The following LRRC37A2 variants were observed in gnomAD, a reference collection of about 807,000 sequenced individuals.
LRRC37A2 encodes the protein leucine-rich repeat-containing protein 37A2.
A neutral mutation model predicts 68.8 loss-of-function variants in LRRC37A2; 9 were observed. The observed-to-expected ratio is 0.13, with a 90% CI of 0.08 to 0.23. The LOEUF is 0.23. Among genes scored for constraint, LRRC37A2 ranks in the 10% least tolerant of loss-of-function variants. The pLI, the probability that LRRC37A2 is intolerant of heterozygous loss-of-function variation, is 1.00. For synonymous variants in LRRC37A2, 63 were observed against 367.6 expected, an observed-to-expected ratio of 0.17 and a Z score of 9.48; for missense variants, 168 against 950.4, an observed-to-expected ratio of 0.18 and a Z score of 10.82.
At chr17:46,826,638 T>A in the LRRC37A2 span, among the ~76,000 whole-genome samples, 1 of 152,168 alleles carries the variant, frequency 6.6e-6, no homozygotes, top group East Asian at 1.9e-4. Flanking sequence ...CTTCATCAAC[T>A]GCAAAATGGG....
chr17:46,932,069 G>A, the LRRC37A2 span: 15 of 1,613,488 alleles, frequency 9.3e-6, 1 homozygote, highest in Middle Eastern at 3.3e-4. Flanking sequence ...AATTCCAGTC[G>A]GGTTGACCAG....
chr17:46,845,394 C>T, the LRRC37A2 span, among the ~76,000 whole-genome samples: 3 of 151,864 alleles, frequency 2.0e-5, no homozygotes, highest in South Asian at 2.1e-4. Context: ...GTTATATTCA[C>T]GGTGAGCCCA....
At chr17:46,853,395 G>T in the LRRC37A2 span, among the ~76,000 whole-genome samples, 2 of 109,624 alleles carry the variant, frequency 1.8e-5, no homozygotes, top group African/African-American at 3.8e-5. Context: ...TTTTTAAGAC[G>T]GAGTCTCCCT....
At chr17:46,929,555 TGGAGACGGCAGACAAGCA>T in the LRRC37A2 span, 1 of 1,569,154 alleles carries the variant, frequency 6.4e-7, no homozygotes, top group Non-Finnish European at 8.8e-7. Flanking sequence ...ATGGGACGCC[TGGAGACGGCAGACAAGCA>T]GTCTGTGCAC....
At chr17:46,542,875 A>G (rs1476896150) in intron 8 of LRRC37A2, among the ~76,000 whole-genome samples, 1 of 150,312 alleles carries the variant, frequency 6.7e-6, no homozygotes, top group Non-Finnish European at 1.5e-5. Context: ...TTGCAAGATT[A>G]GCATGGAAAG....
chr17:46,951,821 C>T, the LRRC37A2 span, among the ~76,000 whole-genome samples: 2 of 152,202 alleles, frequency 1.3e-5, no homozygotes, highest in Non-Finnish European at 2.9e-5. Flanking sequence ...TCTCTTCCCC[C>T]ACTCTGCCCG....
chr17:46,575,290 AAC>A, the LRRC37A2 span, among the ~76,000 whole-genome samples: 2 of 147,654 alleles, frequency 1.4e-5, no homozygotes, highest in African/African-American at 5.0e-5. Flanking sequence ...AAGCCGGTAA[AAC>A]ACAGTGCTGG....
the LRRC37A2 span, among the ~76,000 whole-genome samples, chr17:46,599,371 AT>A: frequency 1.9e-4 from 11 of 57,560 alleles, no homozygotes; most frequent in African/African-American, 3.6e-4. Context: ...TTTCCAACTT[AT>A]TTTTTTTTAT....
the LRRC37A2 span, among the ~76,000 whole-genome samples, chr17:46,500,753 A>G: frequency 6.6e-6 from 1 of 151,200 alleles, no homozygotes; most frequent in African/African-American, 2.5e-5. Context: ...GTTTGAAGAT[A>G]ACTTCTGGAA....
chr17:46,986,371 G>A, the LRRC37A2 span, among the ~76,000 whole-genome samples: 2 of 152,138 alleles, frequency 1.3e-5, no homozygotes, highest in African/African-American at 4.8e-5. Context: ...CGCAGTGCCT[G>A]GCACAGAGTA....
At chr17:46,948,165 C>T in the LRRC37A2 span, among the ~76,000 whole-genome samples, 2 of 152,214 alleles carry the variant, frequency 1.3e-5, no homozygotes, top group Non-Finnish European at 2.9e-5. Flanking sequence ...GCTGTGGAAC[C>T]TTGAGCAAGC....
chr17:46,773,227 C>A, the LRRC37A2 span, among the ~76,000 whole-genome samples: 4 of 152,124 alleles, frequency 2.6e-5, no homozygotes, highest in Non-Finnish European at 2.9e-5. Flanking sequence ...CCTAGAGGGG[C>A]TCTTGGGGGC....
chr17:46,825,963 C>T, the LRRC37A2 span, among the ~76,000 whole-genome samples: 2 of 152,236 alleles, frequency 1.3e-5, no homozygotes, highest in Non-Finnish European at 1.5e-5. Context: ...GCGGAGGTTG[C>T]GGTGAGCCAA....
the LRRC37A2 span, among the ~76,000 whole-genome samples, chr17:46,827,789 T>C: frequency 2.0e-5 from 3 of 151,944 alleles, no homozygotes; most frequent in Non-Finnish European, 2.9e-5. Context: ...TTCTTTTCTC[T>C]TTTTTTGAGA....
chr17:46,762,235 A>G, the LRRC37A2 span, among the ~76,000 whole-genome samples: 1 of 152,238 alleles, frequency 6.6e-6, no homozygotes, highest in African/African-American at 2.4e-5. Flanking sequence ...AAAATACTTG[A>G]GTCTGTGAAA....
At chr17:46,788,952 A>G in the LRRC37A2 span, among the ~76,000 whole-genome samples, 1 of 152,144 alleles carries the variant, frequency 6.6e-6, no homozygotes, top group Non-Finnish European at 1.5e-5. Context: ...TGAATCTTAG[A>G]AGCAGCCCAG....
chr17:46,855,156 C>T, the LRRC37A2 span, among the ~76,000 whole-genome samples: 2 of 152,198 alleles, frequency 1.3e-5, no homozygotes, highest in Non-Finnish European at 2.9e-5. Flanking sequence ...CTTCAACCTA[C>T]AGGAACAGCC....
At chr17:46,769,694 C>T in the LRRC37A2 span, 1 of 1,555,416 alleles carries the variant, frequency 6.4e-7, no homozygotes, top group South Asian at 1.1e-5. Flanking sequence ...ACAGGGCTGC[C>T]GGAAGGGGTG....
chr17:46,769,791 C>G, the LRRC37A2 span: 2 of 1,611,328 alleles, frequency 1.2e-6, no homozygotes, highest in South Asian at 1.1e-5. Flanking sequence ...ACCGTGCGGC[C>G]CGCCTCGTTG....
Sources: allele counts gnomAD v4.1 joint callset (sites outside exome capture counted in the v4.1 genomes callset), GRCh38; gene constraint gnomAD v4.1.1; transcripts MANE v1.5; gene names NCBI Gene and HGNC (gene_info 2026-07-23, HGNC 2026-07-21).